DDX54: variants seen among roughly 807,000 people sequenced by gnomAD.
DDX54 encodes ATP-dependent RNA helicase DDX54.
A neutral mutation model predicts 105.5 loss-of-function variants in DDX54; 67 were observed. The ratio of observed to expected loss-of-function variants is 0.64; its 90% CI spans 0.52 to 0.78. The LOEUF is 0.78. Among genes scored for constraint, DDX54 ranks in the 30% least tolerant of loss-of-function variants. The pLI, the probability that DDX54 is intolerant of heterozygous loss-of-function variation, is 0.00. For missense variants in DDX54, 1,206 were observed against 1,230.5 expected (o/e 0.98, Z 0.30); for synonymous variants, 514 against 509.9 (o/e 1.01, Z -0.11).
rs767334221 is a variant in DDX54 at position 113,158,911 on chromosome 12, C to A, written c.2612G>T (p.Arg871Leu). 1.9e-6 allele frequency: 3 copies of A among 1,607,144 alleles called. No individual in the cohort carries two copies. The highest frequency in any genetic ancestry group is 1.7e-5 in the Admixed American group (1 of 59,704). The change falls in exon 20 of 20, where the codon CGC becomes CTC. Residue 871 changes from arginine (R) to leucine (L), a missense_variant. Coordinates refer to ENST00000306014, the MANE Select transcript of DDX54 (RefSeq NM_024072.4). This position sits in a 1 kb window ranked among gnomAD's most constrained non-coding sequence, Gnocchi z 4.9. ...CTTCCGCATCTTGCCCTTCTTGGAG[C>A]GGGCACCCCGGCCGAAGGCGCCCTG... ...LQQGAFGRGA[R>L]SKKGKMRKRM
chr12:113,170,744 G>A (rs893760826), intron 11 of DDX54, among the ~76,000 whole-genome samples: 31 of 152,160 alleles, frequency 2.0e-4, no homozygotes, highest in African/African-American at 7.5e-4. Flanking sequence ...CAGCAGCAGA[G>A]ATGAACAGTT....
Position 113,162,974 on chromosome 12 carries a change from TC to T in DDX54, c.2152del (p.Asp718MetfsTer6). 1 of 1,608,404 alleles carries T rather than the reference TC, an allele frequency of 6.2e-7. No homozygotes were observed. ...GCCCCTCGTCAGGTTCTGGGCTTCA[TC>T]CCCCATCAAGTCCAGGACAGCGCCA... ...AAGAVLDLMG[D>X]EAQNLTRGRQ... On this transcript the variant is annotated frameshift_variant, in exon 17 of 20. Transcript: ENST00000306014. LOFTEE classifies it high-confidence loss of function.
rs774080498 is a variant in DDX54 at position 113,179,046 on chromosome 12, G to C, written c.565-20C>G. On this transcript the variant is annotated intron_variant, in intron 4 of 19. Transcript: ENST00000306014. The stretch of plus-strand genomic sequence containing the variant: ...GCCTAGCTGAGAAGAGAAAGTGATT[G>C]AGAGAGGGCAGGGGTGAGATGACAG... The C allele has an allele frequency of 6.2e-7, 1 of 1,614,024 alleles. No homozygotes were observed. Among genetic ancestry groups the C allele is most frequent in the African/African-American group, 1.3e-5 (1 of 75,046 alleles).
In DDX54 at chr12:113,176,908, C is replaced by G. The variant is rs1952410419; in HGVS notation, c.684G>C (p.Val228=). The G allele has an allele frequency of 6.2e-7, 1 of 1,614,092 alleles. No individual in the cohort carries two copies. The highest frequency in any genetic ancestry group is 1.3e-5 in the African/African-American group (1 of 74,926). ...DIIIATPGRL[V]HVAVEMSLKL... Reference sequence around the variant, plus strand: ...TCAGGCTCATTTCCACAGCCACATGCACCAACCGTCCGGGCGTGGCAATAA... The same window carrying G: ...TCAGGCTCATTTCCACAGCCACATGGACCAACCGTCCGGGCGTGGCAATAA... The change falls in exon 7 of 20, where the codon GTG becomes GTC. Residue 228 remains valine, a synonymous_variant. Transcript: ENST00000306014.
intron 5 of DDX54, chr12:113,177,395 GC>G: frequency 5.9e-6 from 2 of 337,434 alleles, no homozygotes; most frequent in Non-Finnish European, 1.1e-5. Context: ...CACCCACAGT[GC>G]CCCCAGCAAC....
chr12:113,165,429 G>A (rs1228668146), intron 14 of DDX54, among the ~76,000 whole-genome samples: 1 of 152,244 alleles, frequency 6.6e-6, no homozygotes, highest in Non-Finnish European at 1.5e-5. Context: ...AGAACAAGGT[G>A]CATCTCAAGA....
In DDX54 at chr12:113,181,171, C is replaced by T. The variant is rs375327845; in HGVS notation, c.175-113G>A. On this transcript the variant is annotated intron_variant, in intron 1 of 19. Coordinates refer to ENST00000306014, the MANE Select transcript of DDX54 (RefSeq NM_024072.4). ...TCCCCCATTCAAGCCAATGATGCTTCCGCCAGATCACGTCACTTTTTTGCT... is the reference window on the plus strand; with the variant it reads ...TCCCCCATTCAAGCCAATGATGCTTTCGCCAGATCACGTCACTTTTTTGCT... 1.1e-4 allele frequency: 147 copies of T among 1,312,098 alleles called. 2 individuals carry two copies. The South Asian group carries it at 2.3e-3, about 21-fold the overall frequency. 81.3% of individuals were successfully genotyped at this position (1,312,098 alleles called of 1,614,324 possible). A position where few individuals can be genotyped will look rare whatever the true frequency, so the allele number is the denominator to read the frequency against.
chr12:113,169,938 A>G (rs763603246), intron 11 of DDX54, 34 bp from the exon 12 acceptor site: 2 of 1,612,364 alleles, frequency 1.2e-6, no homozygotes, highest in Non-Finnish European at 1.7e-6. Context: ...TTAATTAAGC[A>G]AAGAAGGACC....
chr12:113,165,591 T>C, intron 14 of DDX54, 53 bp downstream of exon 14: 2 of 1,525,416 alleles, frequency 1.3e-6, no homozygotes, highest in Non-Finnish European at 1.8e-6. Context: ...CATCTGTCTC[T>C]GGGCTCCACA....
At chr12:113,167,321 G>A (rs890750312) in intron 12 of DDX54, among the ~76,000 whole-genome samples, 2 of 152,170 alleles carry the variant, frequency 1.3e-5, no homozygotes, top group African/African-American at 4.8e-5. Flanking sequence ...AGGGCGCAGT[G>A]AGCTGTGATC....
chr12:113,174,664 C>T lies in DDX54; in HGVS notation c.1044G>A (p.Lys348=). ...QDQTVVFVAT[K]HHAEYLTELL... ...CCTCAGTGAGGTACTCGGCGTGGTG[C>T]TTCGTGGCCACAAACACCACGGTCT... The change falls in exon 10 of 20, where the codon AAG becomes AAA. Residue 348 remains lysine (K), a synonymous_variant. Transcript: ENST00000306014. 6.2e-7 allele frequency: 1 copy of T among 1,611,054 alleles called. No homozygotes were observed.
intron 1 of DDX54, among the ~76,000 whole-genome samples, chr12:113,181,901 C>T (rs1952473205): frequency 1.3e-5 from 2 of 152,028 alleles, no homozygotes. Context: ...CGCCTGTAAT[C>T]CCAGCACTGG....
chr12:113,184,171 C>A (rs1952498054), intron 1 of DDX54, among the ~76,000 whole-genome samples: 1 of 152,170 alleles, frequency 6.6e-6, no homozygotes, highest in African/African-American at 2.4e-5. Context: ...GTCTTGAACT[C>A]CCGACCTCAG....
Position 113,172,122 on chromosome 12 carries a change from GT to G in DDX54, c.1279+230del, listed in dbSNP as rs907414703. On this transcript the variant is annotated intron_variant, in intron 11 of 19. Transcript: ENST00000306014. ...AAACCATAAGCTGAATAATTGGGTT[GT>G]TTTTTTTTTTTGGTTTTTTTGAGAC... 7.2e-4 allele frequency among the ~76,000 whole-genome samples: 102 copies of G among 141,230 alleles called. 1 individual carries two copies. The highest frequency in any genetic ancestry group is 1.2e-3 in the African/African-American group (47 of 38,774). The allele number at this position is 141,230 out of a possible 152,430, so 92.7% of individuals were successfully genotyped here.
At chr12:113,178,379 TATTTTA>T (rs1441795205) in intron 5 of DDX54, 1 of 152,500 alleles carries the variant, frequency 6.6e-6, no homozygotes, top group East Asian at 1.9e-4. Context: ...GTGGGCAATT[TATTTTA>T]ATGTTTTATC....
At position 113,158,947 on chromosome 12, in the gene DDX54, T is replaced by A. The variant is rs1461206926; in HGVS notation, c.2576A>T (p.Gln859Leu). 1.2e-6 allele frequency: 2 copies of A among 1,611,526 alleles called. No homozygotes were observed. Among genetic ancestry groups the A allele is most frequent in the Non-Finnish European group, 1.7e-6 (2 of 1,178,692 alleles). ...QLSARNRRRV[Q>L]ELQQGAFGRG... ...GCCGAAGGCGCCCTGCTGCAGCTCC[T>A]GGACGCGGCGGCGGTTGCGGGCAGA... Residue 859 changes from glutamine to leucine, a missense_variant, in exon 20 of 20, where the codon CAG becomes CTG. By Grantham distance (113) the Gln-to-Leu change is moderately radical. Coordinates refer to ENST00000306014, the MANE Select transcript of DDX54 (RefSeq NM_024072.4). The surrounding 1 kb of genome is among the most constrained non-coding windows in gnomAD (Gnocchi z 4.9).
chr12:113,177,271 CA>C, intron 5 of DDX54, 178 bp from the exon 6 acceptor site: 1 of 645,206 alleles, frequency 1.5e-6, no homozygotes, highest in South Asian at 2.1e-5. Flanking sequence ...ACAAGAGATA[CA>C]AGCTGAAATA....
rs1754849127 is a variant in DDX54 at position 113,163,828 on chromosome 12, G to GC, written c.1938+238dup. Among the ~76,000 whole-genome samples the GC allele has an allele frequency of 6.6e-6, 1 of 152,196 alleles. No homozygotes were observed. The highest frequency in any genetic ancestry group is 2.1e-4 in the South Asian group (1 of 4,828). On this transcript the variant is annotated intron_variant, in intron 15 of 19. Transcript: ENST00000306014. This position sits in a 1 kb window ranked among gnomAD's most constrained non-coding sequence, Gnocchi z 5.9. ...CCTGATGTGTTTGGTGGCTGGTGAT[G>GC]CCCCGGACCCCACTGAGGGTGTCAT...
chr12:113,165,996 GGCACCCGACCCA>G lies in DDX54; in HGVS notation c.1439_1450del (p.Leu480_Val483del). 1 of 1,611,102 alleles carries G rather than the reference GGCACCCGACCCA, an allele frequency of 6.2e-7. No homozygotes were observed. Among genetic ancestry groups the G allele is most frequent in the Non-Finnish European group, 8.5e-7 (1 of 1,179,992 alleles). The stretch of plus-strand genomic sequence containing the variant: ...GTCCTCCTCGTCCACCACACTCTGT[GGCACCCGACCCA>G]GCATGCCATCCACACCGGCCACACC... On this transcript the variant is annotated inframe_deletion, in exon 13 of 20. Transcript: ENST00000306014.
Sources: allele counts gnomAD v4.1 joint callset (sites outside exome capture counted in the v4.1 genomes callset), GRCh38; gene constraint gnomAD v4.1.1; non-coding constraint Gnocchi (gnomAD v3.1); transcripts MANE v1.5; gene names NCBI Gene and HGNC (gene_info 2026-07-23, HGNC 2026-07-21).